RABGAP1L: variants seen among roughly 807,000 people sequenced by gnomAD.
The protein encoded by RABGAP1L is rab GTPase-activating protein 1-like.
Under a neutral mutation model 137.7 loss-of-function variants are expected in RABGAP1L, and 63 were observed. The observed-to-expected ratio is 0.46, with a 90% CI of 0.37 to 0.56. The LOEUF (loss-of-function observed/expected upper bound fraction) is 0.56. RABGAP1L is among the 20% of genes least tolerant of loss of function. The pLI is 0.00. For missense variants in RABGAP1L, 1,095 were observed against 1,244.0 expected, an observed-to-expected ratio of 0.88 and a Z score of 1.80; for synonymous variants, 431 against 433.7, an observed-to-expected ratio of 0.99 and a Z score of 0.08.
chr1:174,946,668 A>T (rs1666811309), intron 19 of RABGAP1L, among the ~76,000 whole-genome samples: 1 of 151,960 alleles, frequency 6.6e-6, no homozygotes, highest in African/African-American at 2.4e-5. Flanking sequence ...TGAGAGGCCG[A>T]GGCAGGTGGA....
intron 17 of RABGAP1L, among the ~76,000 whole-genome samples, chr1:174,709,473 G>A (rs1398655496): frequency 1.3e-5 from 2 of 152,184 alleles, no homozygotes; most frequent in Non-Finnish European, 2.9e-5. Context: ...GCTTCCAGAG[G>A]AAGGAACAGA....
intron 19 of RABGAP1L, among the ~76,000 whole-genome samples, chr1:174,956,477 A>G (rs988895465): frequency 1.3e-4 from 20 of 152,300 alleles, no homozygotes; most frequent in African/African-American, 4.8e-4. Flanking sequence ...ATAGTAAACT[A>G]CTGTCTTTTG....
chr1:174,299,243 G>C (rs1677427311), intron 10 of RABGAP1L, among the ~76,000 whole-genome samples: 1 of 152,164 alleles, frequency 6.6e-6, no homozygotes. Flanking sequence ...TCATGGGTTT[G>C]TATCCTCAAA....
chr1:174,470,910 AT>A (rs1657846580), intron 13 of RABGAP1L, among the ~76,000 whole-genome samples: 1 of 152,074 alleles, frequency 6.6e-6, no homozygotes, highest in African/African-American at 2.4e-5. Context: ...CAGAAGTTGG[AT>A]TTTGCCTCTG....
At position 174,550,857 on chromosome 1, in the gene RABGAP1L, AATATATATATATATATATAT is replaced by A. The variant is rs1216100934; in HGVS notation, c.1711-86498_1711-86479del. On this transcript the variant is annotated intron_variant, in intron 13 of 25. Coordinates refer to ENST00000681986, the MANE Select transcript of RABGAP1L (RefSeq NM_001366446.1). ...ACACGGTGAAACCCCGTCTCTGCTAAATATATATATATATATATATATATATATATATATATATACACACA... is the reference window on the plus strand; with the variant it reads ...ACACGGTGAAACCCCGTCTCTGCTAAATATATATATATATATATACACACA... Among the ~76,000 whole-genome samples, 17 of 61,836 alleles carry A rather than the reference AATATATATATATATATATAT, an allele frequency of 2.7e-4. No homozygotes were observed. In the East Asian group the frequency reaches 4.8e-3, roughly 17 times the overall value. The allele number at this position is 61,836 out of a possible 152,430, so 40.6% of individuals were successfully genotyped here. A position where few individuals can be genotyped will look rare whatever the true frequency, so the allele number is the denominator to read the frequency against.
intron 11 of RABGAP1L, among the ~76,000 whole-genome samples, chr1:174,354,961 A>G (rs1683495465): frequency 6.6e-6 from 1 of 152,216 alleles, no homozygotes; most frequent in Non-Finnish European, 1.5e-5. Context: ...GTCAAAGATC[A>G]GATGGTTGTA....
At chr1:174,526,945 T>G (rs1663927378) in intron 13 of RABGAP1L, among the ~76,000 whole-genome samples, 1 of 152,166 alleles carries the variant, frequency 6.6e-6, no homozygotes, top group African/African-American at 2.4e-5. Flanking sequence ...TTTTACTTTT[T>G]AAATGTAGGC....
intron 13 of RABGAP1L, among the ~76,000 whole-genome samples, chr1:174,562,025 A>C (rs1667250979): frequency 1.3e-5 from 2 of 152,358 alleles, no homozygotes; most frequent in Admixed American, 1.3e-4. Context: ...TAAACTAAAG[A>C]GCTTCTGCAC....
chr1:174,574,367 C>A (rs964162126), intron 13 of RABGAP1L, among the ~76,000 whole-genome samples: 1 of 152,008 alleles, frequency 6.6e-6, no homozygotes, highest in Non-Finnish European at 1.5e-5. Flanking sequence ...ACTTTAAAAT[C>A]CCTTTTAGTT....
intron 13 of RABGAP1L, among the ~76,000 whole-genome samples, chr1:174,522,608 C>T (rs768128227): frequency 3.5e-4 from 53 of 152,032 alleles, no homozygotes; most frequent in Non-Finnish European, 6.6e-4. Context: ...AAGAAAAATA[C>T]CTGAGGCTGT....
chr1:174,929,912 GCAATCTCAGCT>G (rs1663497584), intron 19 of RABGAP1L, among the ~76,000 whole-genome samples: 1 of 141,858 alleles, frequency 7.0e-6, no homozygotes, highest in African/African-American at 2.7e-5. Context: ...GTGCAGTGAT[GCAATCTCAGCT>G]CACTGCAGCC....
Position 174,323,011 on chromosome 1 carries a change from TGA to T in RABGAP1L, c.1465+17891_1465+17892del, listed in dbSNP as rs900423095. On this transcript the variant is annotated intron_variant, in intron 11 of 25. Coordinates refer to ENST00000681986, the MANE Select transcript of RABGAP1L (RefSeq NM_001366446.1). ...AATGAAAAATACGTGTAACTAGAAC[TGA>T]GAGAGAATAAAATTGGTAAAATGAC... Among the ~76,000 whole-genome samples the T allele has an allele frequency of 8.5e-5, 13 of 152,080 alleles. 1 individual carries two copies. Among genetic ancestry groups the T allele is most frequent in the Non-Finnish European group, 1.5e-5 (1 of 67,998 alleles).
At chr1:174,232,557 GTGGA>G (rs1670760989) in intron 4 of RABGAP1L, among the ~76,000 whole-genome samples, 3 of 151,794 alleles carry the variant, frequency 2.0e-5, no homozygotes, top group Non-Finnish European at 4.4e-5. Context: ...GCCGAGGTGG[GTGGA>G]TCACGAGGTC....
chr1:174,948,471 C>A (rs1471082481), intron 19 of RABGAP1L, among the ~76,000 whole-genome samples: 3 of 138,952 alleles, frequency 2.2e-5, no homozygotes, highest in African/African-American at 8.4e-5. Flanking sequence ...GTGAGCGGCA[C>A]TGCACTTCAG....
At chr1:174,294,603 C>G (rs1676939554) in intron 10 of RABGAP1L, among the ~76,000 whole-genome samples, 1 of 152,056 alleles carries the variant, frequency 6.6e-6, no homozygotes, top group Non-Finnish European at 1.5e-5. Flanking sequence ...TGAGAAAGGT[C>G]ACTGTTACTA....
chr1:174,859,782 C>A (rs926594488), intron 19 of RABGAP1L, among the ~76,000 whole-genome samples: 1 of 151,766 alleles, frequency 6.6e-6, no homozygotes, highest in African/African-American at 2.4e-5. Flanking sequence ...ACAAAAAAAC[C>A]CCATGGCACA....
chr1:174,527,781 A>G (rs1436317058), intron 13 of RABGAP1L, among the ~76,000 whole-genome samples: 2 of 152,106 alleles, frequency 1.3e-5, no homozygotes, highest in Non-Finnish European at 2.9e-5. Flanking sequence ...CCTTAGGTCT[A>G]ATAATATTTT....
intron 13 of RABGAP1L, among the ~76,000 whole-genome samples, chr1:174,412,684 C>T (rs1284149130): frequency 6.6e-6 from 1 of 151,928 alleles, no homozygotes; most frequent in Non-Finnish European, 1.5e-5. Flanking sequence ...AGCACTTGCT[C>T]GTCTGAAAAA....
intron 1 of RABGAP1L, among the ~76,000 whole-genome samples, chr1:174,191,166 A>G (rs938224871): frequency 2.0e-5 from 3 of 152,256 alleles, no homozygotes; most frequent in African/African-American, 4.8e-5. Context: ...CCTGTACCTT[A>G]TAATAGCTTG....
Sources: allele counts gnomAD v4.1 joint callset (sites outside exome capture counted in the v4.1 genomes callset), GRCh38; gene constraint gnomAD v4.1.1; transcripts MANE v1.5; gene names NCBI Gene and HGNC (gene_info 2026-07-23, HGNC 2026-07-21).